RBMS1: variants seen among roughly 807,000 people sequenced by gnomAD.
RBMS1 encodes RNA binding motif single stranded interacting protein 1, also known as RNA-binding motif, single-stranded-interacting protein 1.
RBMS1 carries 17 observed loss-of-function variants against 62.3 expected under a neutral mutation model. The observed-to-expected ratio is 0.27, with a 90% CI of 0.19 to 0.41. The LOEUF is 0.41. RBMS1 is among the 10% of genes least tolerant of loss of function. RBMS1 has a pLI of 1.00. For missense variants in RBMS1, 334 were observed against 504.5 expected, an observed-to-expected ratio of 0.66 and a Z score of 3.24; for synonymous variants, 172 against 170.0, an observed-to-expected ratio of 1.01 and a Z score of -0.09.
chr2:160,336,018 A>G (rs1181181702), intron 2 of RBMS1, among the ~76,000 whole-genome samples: 1 of 152,150 alleles, frequency 6.6e-6, no homozygotes, highest in Non-Finnish European at 1.5e-5. Context: ...GTTATTTTAC[A>G]CTGAGCAGCT....
In RBMS1 at chr2:160,493,571, C is replaced by G; in HGVS notation, c.-208G>C. ...TCCTCCTCCTCCTCCTCCTCCTCCT[C>G]TTCCTCCTCCTCCTCCTCCTCCCAG... On this transcript the variant is annotated 5_prime_UTR_variant, in exon 1 of 14. Coordinates refer to ENST00000348849, the MANE Select transcript of RBMS1 (RefSeq NM_016836.4). 1.7e-6 allele frequency: 1 copy of G among 595,150 alleles called. No homozygotes were observed. Among genetic ancestry groups the G allele is most frequent in the Non-Finnish European group, 3.0e-6 (1 of 336,084 alleles). 36.9% of individuals were successfully genotyped at this position (595,150 alleles called of 1,614,324 possible).
intron 12 of RBMS1, 131 bp downstream of exon 12, chr2:160,277,172 C>T (rs1207407829): frequency 2.5e-6 from 2 of 788,502 alleles, no homozygotes; most frequent in Non-Finnish European, 4.1e-6. Flanking sequence ...AGGCATGACC[C>T]ACCACATCTG....
chr2:160,282,080 TATC>T (rs1688130824), intron 9 of RBMS1: 1 of 425,292 alleles, frequency 2.4e-6, no homozygotes, highest in Non-Finnish European at 4.3e-6. Flanking sequence ...GAGAAAAACA[TATC>T]AGCCCATTTC....
chr2:160,277,541 C>T (rs777203883), intron 11 of RBMS1, 158 bp from the exon 12 acceptor site: 2 of 449,026 alleles, frequency 4.5e-6, no homozygotes, highest in Non-Finnish European at 4.0e-6. Context: ...ATAAATATGT[C>T]ATATGGAAGG....
At position 160,375,675 on chromosome 2, in the gene RBMS1, TAAA is replaced by T. The variant is rs1436544155; in HGVS notation, c.76-8287_76-8285del. Among the ~76,000 whole-genome samples, 31 of 152,080 alleles carry T rather than the reference TAAA, an allele frequency of 2.0e-4. 1 individual carries two copies. The highest frequency in any genetic ancestry group is 2.0e-3 in the Admixed American group (31 of 15,264). Reference sequence around the variant, plus strand: ...TTAAAAGAAAATTCAACACAATAAATAAATTACAGCCCAAACAAACAGTAATTA... The same window carrying T: ...TTAAAAGAAAATTCAACACAATAAATTTACAGCCCAAACAAACAGTAATTA... On this transcript the variant is annotated intron_variant, in intron 1 of 13. Coordinates refer to ENST00000348849, the MANE Select transcript of RBMS1 (RefSeq NM_016836.4).
At position 160,361,964 on chromosome 2, in the gene RBMS1, G is replaced by A. The variant is rs7570637; in HGVS notation, c.251+5252C>T. Among the ~76,000 whole-genome samples, 838 of 152,342 alleles carry A rather than the reference G, an allele frequency of 5.5e-3. 9 individuals carry two copies. Among genetic ancestry groups the A allele is most frequent in the African/African-American group, 0.017 (714 of 41,570 alleles). On this transcript the variant is annotated intron_variant, in intron 2 of 13. Coordinates refer to ENST00000348849, the MANE Select transcript of RBMS1 (RefSeq NM_016836.4). ...CTGATCAGAGTGGTGGCGGCTGAAGGATGGGATAGCTGTGGCAATTTCTTA... is the reference window on the plus strand; with the variant it reads ...CTGATCAGAGTGGTGGCGGCTGAAGAATGGGATAGCTGTGGCAATTTCTTA...
At chr2:160,358,939 T>C (rs987776035) in intron 2 of RBMS1, among the ~76,000 whole-genome samples, 19 of 152,018 alleles carry the variant, frequency 1.2e-4, no homozygotes, top group African/African-American at 4.3e-4. Flanking sequence ...CTTTGTAAAA[T>C]ACCATTTTAA....
intron 4 of RBMS1, among the ~76,000 whole-genome samples, chr2:160,311,014 C>T (rs796219735): frequency 5.3e-5 from 8 of 151,558 alleles, no homozygotes; most frequent in African/African-American, 1.7e-4. Flanking sequence ...GCCAACATGG[C>T]AAAATCCTGT....
At chr2:160,408,285 C>CAA (rs1451963736) in intron 1 of RBMS1, among the ~76,000 whole-genome samples, 2 of 152,012 alleles carry the variant, frequency 1.3e-5, no homozygotes, top group African/African-American at 4.8e-5. Flanking sequence ...TCTTCCCTCT[C>CAA]TTCTTCACCT....
At chr2:160,391,588 A>C (rs1444024262) in intron 1 of RBMS1, among the ~76,000 whole-genome samples, 2 of 152,210 alleles carry the variant, frequency 1.3e-5, no homozygotes, top group Non-Finnish European at 2.9e-5. Context: ...GAAAAACATT[A>C]ATATTTTGCT....
At chr2:160,369,918 T>C (rs900645855) in intron 1 of RBMS1, among the ~76,000 whole-genome samples, 3 of 152,222 alleles carry the variant, frequency 2.0e-5, no homozygotes, top group Non-Finnish European at 2.9e-5. Context: ...TTTTTATTTA[T>C]GTATTCATTT....
intron 1 of RBMS1, among the ~76,000 whole-genome samples, chr2:160,402,618 C>T (rs1211710597): frequency 6.6e-6 from 1 of 152,172 alleles, no homozygotes; most frequent in Non-Finnish European, 1.5e-5. Context: ...TCAAGAGCTA[C>T]AATTCCCACA....
Position 160,328,159 on chromosome 2 carries a change from G to C in RBMS1, c.252-9932C>G, listed in dbSNP as rs199834957. On this transcript the variant is annotated intron_variant, in intron 2 of 13. Coordinates refer to ENST00000348849, the MANE Select transcript of RBMS1 (RefSeq NM_016836.4). ...TGGCCTCAGGATCCTCATCTGTAAAGTTGTATGATAATGTCTCCCTCACAG... is the reference window on the plus strand; with the variant it reads ...TGGCCTCAGGATCCTCATCTGTAAACTTGTATGATAATGTCTCCCTCACAG... Among the ~76,000 whole-genome samples the C allele has an allele frequency of 2.0e-5, 3 of 152,272 alleles. No individual in the cohort carries two copies. The East Asian group carries it at 5.8e-4, about 29-fold the overall frequency.
chr2:160,449,193 G>A (rs1031610056), intron 1 of RBMS1, among the ~76,000 whole-genome samples: 3 of 151,058 alleles, frequency 2.0e-5, no homozygotes, highest in African/African-American at 7.3e-5. Context: ...GCACCGTCCA[G>A]GAGGGAGGTG....
chr2:160,333,927 TAA>T (rs375353012), intron 2 of RBMS1, among the ~76,000 whole-genome samples: 1 of 147,722 alleles, frequency 6.8e-6, no homozygotes, highest in Non-Finnish European at 1.5e-5. Context: ...CTAGTGAACT[TAA>T]AAAAAAAAGA....
intron 4 of RBMS1, among the ~76,000 whole-genome samples, chr2:160,311,240 A>ATATATATC (rs1553505465): frequency 1.1e-5 from 1 of 91,498 alleles, no homozygotes; most frequent in African/African-American, 3.5e-5. Context: ...ATCTATATAT[A>ATATATATC]TATATATATA....
chr2:160,376,613 CTTTTT>C (rs908126756), intron 1 of RBMS1, among the ~76,000 whole-genome samples: 11 of 151,640 alleles, frequency 7.3e-5, no homozygotes, highest in East Asian at 1.9e-4. Flanking sequence ...CTATGTATTT[CTTTTT>C]TTTATTTTTT....
intron 12 of RBMS1, among the ~76,000 whole-genome samples, chr2:160,276,356 C>G (rs370434877): frequency 4.6e-5 from 7 of 151,184 alleles, no homozygotes; most frequent in African/African-American, 1.5e-4. Context: ...ACCACCACCA[C>G]CACCACCACC....
intron 6 of RBMS1, among the ~76,000 whole-genome samples, chr2:160,298,707 T>A (rs576934178): frequency 6.6e-6 from 1 of 152,118 alleles, no homozygotes; most frequent in East Asian, 1.9e-4. Flanking sequence ...TAATCAGGAA[T>A]TAAGAGTTAC....
Sources: gnomAD v4.1 joint callset for allele counts (sites outside exome capture counted in the v4.1 genomes callset) on GRCh38, gnomAD v4.1.1 for gene constraint, MANE v1.5 for transcripts, NCBI Gene and HGNC (gene_info 2026-07-23, HGNC 2026-07-21) for gene names.